TMEFF2: variants seen among roughly 807,000 people sequenced by gnomAD.
TMEFF2 encodes tomoregulin-2.
TMEFF2 carries 28 observed loss-of-function variants against 53.8 expected under a neutral mutation model. The observed-to-expected ratio is 0.52, with a 90% confidence interval of 0.39 to 0.71. TMEFF2 has a LOEUF of 0.71. Ranked by LOEUF, TMEFF2 falls within the 30% of genes least tolerant of loss-of-function variation. TMEFF2 has a pLI of 0.00. For missense variants in TMEFF2, 353 were observed against 455.2 expected (o/e 0.78, Z 2.04); for synonymous variants, 162 against 166.3 (o/e 0.97, Z 0.20).
chr2:192,131,811 C>T (rs369631337), intron 4 of TMEFF2, among the ~76,000 whole-genome samples: 1 of 152,166 alleles, frequency 6.6e-6, no homozygotes, highest in East Asian at 1.9e-4. Flanking sequence ...TTGTGCAATG[C>T]CGCTTGACCC....
chr2:191,966,305 T>C (rs1692470176), intron 7 of TMEFF2, among the ~76,000 whole-genome samples: 1 of 152,298 alleles, frequency 6.6e-6, no homozygotes, highest in South Asian at 2.1e-4. Flanking sequence ...GGTTTCTTCT[T>C]TCCACAGCTT....
At chr2:192,137,758 T>A (rs1690045100) in intron 4 of TMEFF2, among the ~76,000 whole-genome samples, 1 of 148,586 alleles carries the variant, frequency 6.7e-6, no homozygotes, top group Admixed American at 6.8e-5. Flanking sequence ...TCTACTTATA[T>A]ATATAATATA....
intron 4 of TMEFF2, among the ~76,000 whole-genome samples, chr2:192,175,188 A>T (rs1290295655): frequency 6.6e-6 from 1 of 151,620 alleles, no homozygotes; most frequent in Non-Finnish European, 1.5e-5. Context: ...CTTCAAGTCA[A>T]CCAAATTACT....
At chr2:192,113,417 C>G (rs1365803435) in intron 4 of TMEFF2, among the ~76,000 whole-genome samples, 1 of 151,984 alleles carries the variant, frequency 6.6e-6, no homozygotes, top group Non-Finnish European at 1.5e-5. Context: ...TATCACCAAA[C>G]AAGAAAACTA....
chr2:192,145,737 A>G (rs1305946475), intron 4 of TMEFF2, among the ~76,000 whole-genome samples: 2 of 151,982 alleles, frequency 1.3e-5, no homozygotes, highest in East Asian at 1.9e-4. Flanking sequence ...CAGTCTTGGG[A>G]AAGTTATTTA....
intron 5 of TMEFF2, among the ~76,000 whole-genome samples, chr2:192,033,085 C>A (rs1032538569): frequency 1.3e-5 from 2 of 152,074 alleles, no homozygotes; most frequent in Admixed American, 1.3e-4. Context: ...CCTCAAGCCC[C>A]CAGTAGAATA....
At position 191,957,641 on chromosome 2, in the gene TMEFF2, GA is replaced by G. The variant is rs1274625022; in HGVS notation, c.746-1264del. Among the ~76,000 whole-genome samples the G allele has an allele frequency of 2.0e-5, 3 of 152,248 alleles. No homozygotes were observed. In the East Asian group the frequency reaches 5.8e-4, roughly 29 times the overall value. On this transcript the variant is annotated intron_variant, in intron 7 of 9. Transcript: ENST00000272771. ...AGATGCCATCTGCAAAACAAAGTCTGAAAAAAGTTGTAAAAGATGTATAGTG... is the reference window on the plus strand; with the variant it reads ...AGATGCCATCTGCAAAACAAAGTCTGAAAAAGTTGTAAAAGATGTATAGTG...
At chr2:192,189,442 G>A (rs1225914223) in intron 2 of TMEFF2, among the ~76,000 whole-genome samples, 1 of 150,868 alleles carries the variant, frequency 6.6e-6, no homozygotes, top group Non-Finnish European at 1.5e-5. Flanking sequence ...CTACTCGGGA[G>A]GCTGAGGCAC....
chr2:192,013,858 A>G (rs1184128176), intron 5 of TMEFF2, among the ~76,000 whole-genome samples: 1 of 152,220 alleles, frequency 6.6e-6, no homozygotes, highest in Non-Finnish European at 1.5e-5. Flanking sequence ...CAACTAGAAC[A>G]ATGGTTGATG....
chr2:192,117,395 G>T (rs184513896), intron 4 of TMEFF2, among the ~76,000 whole-genome samples: 1 of 152,206 alleles, frequency 6.6e-6, no homozygotes, highest in East Asian at 1.9e-4. Flanking sequence ...TTAACTACTA[G>T]GTAGAAGTAA....
At chr2:191,971,958 G>A (rs957681356) in intron 7 of TMEFF2, among the ~76,000 whole-genome samples, 10 of 152,090 alleles carry the variant, frequency 6.6e-5, no homozygotes, top group African/African-American at 2.4e-4. Context: ...AGATAGCCCC[G>A]GAAGAGCTTC....
intron 1 of TMEFF2, among the ~76,000 whole-genome samples, chr2:192,192,318 A>T (rs1691482391): frequency 6.6e-6 from 1 of 151,816 alleles, no homozygotes; most frequent in African/African-American, 2.4e-5. Context: ...TTTTTTGCTC[A>T]TTAGGTGGAC....
chr2:192,075,318 T>TAAATATATAA (rs1559115196), intron 4 of TMEFF2, among the ~76,000 whole-genome samples: 2 of 85,636 alleles, frequency 2.3e-5, no homozygotes, highest in African/African-American at 9.1e-5. Context: ...TATATATATA[T>TAAATATATAA]ATATATATAT....
At chr2:192,151,650 G>T (rs752232355) in intron 4 of TMEFF2, among the ~76,000 whole-genome samples, 4 of 151,814 alleles carry the variant, frequency 2.6e-5, no homozygotes, top group Non-Finnish European at 5.9e-5. Context: ...GTGTAAACAG[G>T]AACCAGAGAA....
At chr2:192,181,898 T>C (rs1325310072) in intron 3 of TMEFF2, among the ~76,000 whole-genome samples, 1 of 151,794 alleles carries the variant, frequency 6.6e-6, no homozygotes, top group Non-Finnish European at 1.5e-5. Context: ...GAAATCATTA[T>C]GGGAGGCTTT....
At chr2:191,990,860 C>G (rs1183360346) in intron 7 of TMEFF2, among the ~76,000 whole-genome samples, 3 of 151,544 alleles carry the variant, frequency 2.0e-5, no homozygotes. Context: ...AAATACATTT[C>G]CATATACTAC....
chr2:192,029,731 G>A (rs1473885734), intron 5 of TMEFF2, among the ~76,000 whole-genome samples: 1 of 152,138 alleles, frequency 6.6e-6, no homozygotes, highest in Non-Finnish European at 1.5e-5. Flanking sequence ...AAATGCAATT[G>A]AGGCATTTAA....
chr2:192,075,782 A>G (rs550068335), intron 4 of TMEFF2, among the ~76,000 whole-genome samples: 1 of 152,230 alleles, frequency 6.6e-6, no homozygotes, highest in African/African-American at 2.4e-5. Context: ...AGCTAACTTC[A>G]GTGGAGAAAA....
chr2:191,950,523 G>T (rs1000165228), intron 9 of TMEFF2, 116 bp from the exon 10 acceptor site: 7 of 1,388,824 alleles, frequency 5.0e-6, no homozygotes, highest in Admixed American at 1.7e-5. Flanking sequence ...TCAGATGAAA[G>T]AATTTATCAT....
Sources: allele counts gnomAD v4.1 joint callset (sites outside exome capture counted in the v4.1 genomes callset), GRCh38; gene constraint gnomAD v4.1.1; transcripts MANE v1.5; gene names NCBI Gene and HGNC (gene_info 2026-07-23, HGNC 2026-07-21).